Variants in DNAH2 observed in about 807,000 individuals in gnomAD.
The protein encoded by DNAH2 is dynein axonemal heavy chain 2, also known as axonemal beta dynein heavy chain 2.
In DNAH2, 323 loss-of-function variants were observed where a neutral mutation model predicts 523.5. The observed-to-expected ratio is 0.62, with a 90% CI of 0.56 to 0.68. The LOEUF (loss-of-function observed/expected upper bound fraction) is 0.68, where lower values mean the gene tolerates loss of function less well. DNAH2 is among the 30% of genes least tolerant of loss of function. The probability of loss-of-function intolerance (pLI) is 0.00; values close to 1 mark genes in which losing one functional copy is unlikely to be tolerated. For synonymous variants in DNAH2, 2,093 were observed against 2,177.4 expected (o/e 0.96, Z 1.08); for missense variants, 4,907 against 5,701.5 (o/e 0.86, Z 4.49).
At chr17:7,770,536 T>TCCC in intron 25 of DNAH2, 21 bp from the exon 26 acceptor site, 2 of 1,613,866 alleles carry the variant, frequency 1.2e-6, no homozygotes, top group Non-Finnish European at 1.7e-6. Flanking sequence ...GACTGCTGTG[T>TCCC]CCCCCAATTT....
At chr17:7,727,476 G>T (rs1445448737) in intron 4 of DNAH2, among the ~76,000 whole-genome samples, 184 bp downstream of exon 4, 1 of 152,182 alleles carries the variant, frequency 6.6e-6, no homozygotes, top group Non-Finnish European at 1.5e-5. Flanking sequence ...GTCATGGGCT[G>T]GGCGCGGTGG....
chr17:7,822,571 A>G (rs2077887429), intron 73 of DNAH2, among the ~76,000 whole-genome samples: 1 of 152,018 alleles, frequency 6.6e-6, no homozygotes, highest in Non-Finnish European at 1.5e-5. Context: ...CCCTCCTCAG[A>G]GTATCCTATT....
intron 71 of DNAH2, 61 bp from the exon 72 acceptor site, chr17:7,819,148 T>G: frequency 6.2e-7 from 1 of 1,606,328 alleles, no homozygotes; most frequent in East Asian, 2.2e-5. Context: ...CCTCCTTCCC[T>G]GAGCCCCTGC....
In DNAH2 at chr17:7,754,587, C is replaced by T. The variant is rs962726597; in HGVS notation, c.1905-2504C>T. Reference sequence around the variant, plus strand: ...CAACAATGCCAAGGCCATGAGTCCACGTGCCGAGGCTCTCAAGGCCCTCGT... The same window carrying T: ...CAACAATGCCAAGGCCATGAGTCCATGTGCCGAGGCTCTCAAGGCCCTCGT... On this transcript the variant is annotated intron_variant, in intron 12 of 85. Transcript: ENST00000572933. The surrounding 1 kb of genome is among the most constrained non-coding windows in gnomAD (Gnocchi z 4.6). 2.5e-5 allele frequency: 37 copies of T among 1,495,908 alleles called. 1 individual carries two copies. The highest frequency in any genetic ancestry group is 2.5e-4 in the African/African-American group (18 of 72,872). 92.7% of individuals were successfully genotyped at this position (1,495,908 alleles called of 1,614,324 possible). A position where few individuals can be genotyped will look rare whatever the true frequency, so the allele number is the denominator to read the frequency against.
chr17:7,833,003 G>A (rs2078230047), intron 84 of DNAH2, 68 bp from the exon 85 acceptor site: 3 of 1,613,246 alleles, frequency 1.9e-6, no homozygotes, highest in African/African-American at 1.3e-5. Flanking sequence ...GGAGGAGAGA[G>A]GGAGCAGGTC....
In DNAH2 at chr17:7,819,131, C is replaced by T. The variant is rs1041591568; in HGVS notation, c.10815+68C>T. On this transcript the variant is annotated intron_variant, in intron 71 of 85. Transcript: ENST00000572933. ...AAGATGCAACTCCATCATGACGGCTCGAGACCCCTCCTTCCCTGAGCCCCT... is the reference window on the plus strand; with the variant it reads ...AAGATGCAACTCCATCATGACGGCTTGAGACCCCTCCTTCCCTGAGCCCCT... The T allele has an allele frequency of 1.3e-5, 21 of 1,603,048 alleles. No homozygotes were observed. The East Asian group carries it at 2.7e-4, about 20-fold the overall frequency.
At chr17:7,795,276 T>C (rs2077030467) in intron 49 of DNAH2, among the ~76,000 whole-genome samples, 2 of 152,162 alleles carry the variant, frequency 1.3e-5, no homozygotes, top group Admixed American at 1.3e-4. Flanking sequence ...CTAAGCCATA[T>C]TGGAGCCTAA....
chr17:7,788,601 G>T (rs934505038), intron 44 of DNAH2, among the ~76,000 whole-genome samples: 4 of 152,144 alleles, frequency 2.6e-5, no homozygotes, highest in African/African-American at 9.7e-5. Flanking sequence ...GAGGCCCTGG[G>T]ACACCATTTC....
rs1460056082 is a variant in DNAH2, at chr17:7,740,452, T to C, written c.1409T>C (p.Met470Thr). The C allele has an allele frequency of 2.5e-6, 4 of 1,614,070 alleles. No individual in the cohort carries two copies. Among genetic ancestry groups the C allele is most frequent in the Admixed American group, 1.7e-5 (1 of 60,010 alleles). Reference protein sequence around the residue: ...FRAGIKDLEVMTQNLITSAFE... With the variant: ...FRAGIKDLEVTTQNLITSAFE... ...GCCGGAATCAAGGACCTGGAGGTGA[T>C]GACCCAGAACCTGATCACCTCAGCC... Residue 470 changes from methionine to threonine, a missense_variant, in exon 10 of 86, where the codon ATG (methionine) becomes ACG (threonine). Coordinates refer to ENST00000572933, the MANE Select transcript of DNAH2 (RefSeq NM_020877.5).
intron 36 of DNAH2, 94 bp downstream of exon 36, chr17:7,779,517 G>A (rs756681520): frequency 7.2e-5 from 95 of 1,325,764 alleles, no homozygotes; most frequent in Non-Finnish European, 9.0e-5. Context: ...CCTTCCATGC[G>A]AATGTATATA....
intron 11 of DNAH2, among the ~76,000 whole-genome samples, chr17:7,741,303 T>TTCCTTCCTTCCC (rs1477805088): frequency 2.6e-5 from 2 of 76,812 alleles, no homozygotes; most frequent in Non-Finnish European, 4.9e-5. Flanking sequence ...TCTTCCTTCC[T>TTCCTTCCTTCCC]TCCCTCCCTC....
chr17:7,815,578 T>TCA (rs1159738938), intron 63 of DNAH2, among the ~76,000 whole-genome samples: 1 of 150,486 alleles, frequency 6.6e-6, no homozygotes, highest in Non-Finnish European at 1.5e-5. Flanking sequence ...ATATACAGGA[T>TCA]CACACACACA....
intron 56 of DNAH2, 125 bp downstream of exon 56, chr17:7,799,367 C>A (rs902336729): frequency 6.6e-6 from 9 of 1,362,690 alleles, no homozygotes; most frequent in Non-Finnish European, 9.0e-6. Flanking sequence ...CCTCACCCAT[C>A]TCCTTTCCTT....
Position 7,738,095 on chromosome 17 carries a change from G to A in DNAH2, c.1170+837G>A, listed in dbSNP as rs750394541. 30 of 703,410 alleles carry A rather than the reference G, an allele frequency of 4.3e-5. 1 individual carries two copies. The highest frequency in any genetic ancestry group is 2.7e-4 in the South Asian group (18 of 67,606). The allele number at this position is 703,410 out of a possible 1,614,324, so 43.6% of individuals were successfully genotyped here. On this transcript the variant is annotated intron_variant, in intron 8 of 85. Coordinates refer to ENST00000572933, the MANE Select transcript of DNAH2 (RefSeq NM_020877.5). ...TTGTCACGCTTGGAAAGATCACTAC[G>A]TACAGGCTGTGCAGATGCACATCCA...
chr17:7,824,812 C>A lies in DNAH2; in HGVS notation c.11853+85C>A, dbSNP rs2077974830. On this transcript the variant is annotated intron_variant, in intron 77 of 85. Transcript: ENST00000572933. ...AGCACCAGAGAGAGGGCTTAACCAA[C>A]AACAACATGATTTGATTGTCCTCAA... 3.3e-6 allele frequency: 4 copies of A among 1,196,916 alleles called. No homozygotes were observed. The African/African-American group carries it at 4.7e-5, about 14-fold the overall frequency. The allele number at this position is 1,196,916 out of a possible 1,614,324, so 74.1% of individuals were successfully genotyped here.
intron 73 of DNAH2, among the ~76,000 whole-genome samples, chr17:7,822,058 C>A (rs1256728147): frequency 6.6e-6 from 1 of 152,224 alleles, no homozygotes; most frequent in Non-Finnish European, 1.5e-5. Context: ...GCAGCCTCGA[C>A]CTCCCAGGCT....
At position 7,798,173 on chromosome 17, in the gene DNAH2, G is replaced by A. The variant is rs1453343653; in HGVS notation, c.8247G>A (p.Arg2749=). The part of the protein sequence containing the change: ...EAIEHITRIV[R]VIGQPRGNML... ...CACCCCCAGTCACACGGATCGTGCG[G>A]GTCATTGGACAGCCTCGGGGCAACA... Residue 2749 remains arginine, a synonymous_variant, in exon 54 of 86, where the codon CGG becomes CGA. Coordinates refer to ENST00000572933, the MANE Select transcript of DNAH2 (RefSeq NM_020877.5). The surrounding 1 kb of genome is among the most constrained non-coding windows in gnomAD (Gnocchi z 5.5). 2 of 1,604,878 alleles carry A rather than the reference G, an allele frequency of 1.2e-6. No individual in the cohort carries two copies. The highest frequency in any genetic ancestry group is 2.2e-5 in the East Asian group (1 of 44,592).
intron 1 of DNAH2, 32 bp from the exon 2 acceptor site, chr17:7,719,689 C>T (rs2074536668): frequency 3.1e-6 from 5 of 1,613,552 alleles, no homozygotes; most frequent in Non-Finnish European, 3.4e-6. Context: ...GTGGTATCTG[C>T]TTGTAGACTC....
Position 7,737,041 on chromosome 17 carries a change from T to TA in DNAH2, c.979-25dup, listed in dbSNP as rs746629598. ...ATCAGTGCTTTCTAGTGCATAAATC[T>TA]ATTTCTCATCTCTCTTTACTGCCAG... On this transcript the variant is annotated intron_variant, in intron 7 of 85. Coordinates refer to ENST00000572933, the MANE Select transcript of DNAH2 (RefSeq NM_020877.5). 3 of 1,599,054 alleles carry TA rather than the reference T, an allele frequency of 1.9e-6. No homozygotes were observed. In the South Asian group the frequency reaches 3.3e-5, roughly 18 times the overall value.
Sources: allele counts gnomAD v4.1 joint callset (sites outside exome capture counted in the v4.1 genomes callset), GRCh38; gene constraint gnomAD v4.1.1; non-coding constraint Gnocchi (gnomAD v3.1); transcripts MANE v1.5; gene names NCBI Gene and HGNC (gene_info 2026-07-23, HGNC 2026-07-21).